Variants in AGBL4 observed in about 807,000 individuals in gnomAD.
AGBL4 encodes the protein cytosolic carboxypeptidase 6.
Under a neutral mutation model 66.4 loss-of-function variants are expected in AGBL4, and 58 were observed. The ratio of observed to expected loss-of-function variants is 0.87; its 90% CI spans 0.71 to 1.09. AGBL4 has a LOEUF of 1.09. Ranked by LOEUF, AGBL4 falls within the 50% of genes least tolerant of loss-of-function variation. The pLI is 0.00. For missense variants in AGBL4, 579 were observed against 631.0 expected (o/e 0.92, Z 0.88); for synonymous variants, 234 against 222.9 (o/e 1.05, Z -0.44).
At chr1:49,520,688 C>T (rs1650184581) in intron 3 of AGBL4, among the ~76,000 whole-genome samples, 1 of 151,998 alleles carries the variant, frequency 6.6e-6, no homozygotes, top group Non-Finnish European at 1.5e-5. Context: ...GATTCCTCCT[C>T]TAGACGCTGA....
At chr1:49,965,253 T>G (rs1402274016) in intron 1 of AGBL4, among the ~76,000 whole-genome samples, 2 of 152,194 alleles carry the variant, frequency 1.3e-5, no homozygotes, top group Non-Finnish European at 2.9e-5. Flanking sequence ...CCCATGTACT[T>G]ATGTAATTAC....
chr1:49,769,216 C>CCACA (rs111502919), intron 2 of AGBL4, among the ~76,000 whole-genome samples: 39 of 147,848 alleles, frequency 2.6e-4, no homozygotes, highest in Middle Eastern at 3.4e-3. Context: ...TTTGTAATAG[C>CCACA]CACACACACA....
intron 4 of AGBL4, among the ~76,000 whole-genome samples, chr1:49,131,311 G>C (rs1054391197): frequency 1.3e-5 from 2 of 152,042 alleles, no homozygotes; most frequent in Non-Finnish European, 2.9e-5. Context: ...CTTGATTGTG[G>C]TGGTGATTAC....
At chr1:48,776,568 G>A (rs1645098530) in intron 6 of AGBL4, 3 of 476,940 alleles carry the variant, frequency 6.3e-6, no homozygotes, top group Admixed American at 5.8e-5. Flanking sequence ...CCCAGCCCCC[G>A]CCCGGGTCCC....
intron 2 of AGBL4, among the ~76,000 whole-genome samples, chr1:49,704,355 G>T (rs1213453546): frequency 6.6e-6 from 1 of 151,978 alleles, no homozygotes. Flanking sequence ...CTTTAACAAA[G>T]ATGACAAGGA....
intron 3 of AGBL4, among the ~76,000 whole-genome samples, chr1:49,285,994 C>T (rs894002119): frequency 6.6e-6 from 1 of 152,128 alleles, no homozygotes; most frequent in Non-Finnish European, 1.5e-5. Flanking sequence ...TCCAGCAGCA[C>T]ATCAAAAAGC....
At chr1:49,820,270 C>T (rs1645335465) in intron 2 of AGBL4, among the ~76,000 whole-genome samples, 1 of 152,116 alleles carries the variant, frequency 6.6e-6, no homozygotes, top group African/African-American at 2.4e-5. Context: ...GTCAGATTAA[C>T]TTGATATAAA....
intron 6 of AGBL4, among the ~76,000 whole-genome samples, chr1:48,789,867 A>G (rs1353444046): frequency 3.9e-5 from 6 of 152,184 alleles, no homozygotes; most frequent in Non-Finnish European, 7.3e-5. Context: ...CAGTGACATT[A>G]AAAGATAAAA....
chr1:48,840,436 G>A (rs1446460276), intron 6 of AGBL4, among the ~76,000 whole-genome samples: 1 of 152,154 alleles, frequency 6.6e-6, no homozygotes, highest in Non-Finnish European at 1.5e-5. Context: ...AGGTTGTAAA[G>A]TTTAAATGAC....
chr1:49,022,696 T>C (rs1445109282), intron 5 of AGBL4, among the ~76,000 whole-genome samples: 1 of 152,134 alleles, frequency 6.6e-6, no homozygotes, highest in Non-Finnish European at 1.5e-5. Context: ...CTTACTCTTC[T>C]TGGCAAAATA....
At chr1:49,448,335 G>T (rs1646204219) in intron 3 of AGBL4, among the ~76,000 whole-genome samples, 1 of 151,970 alleles carries the variant, frequency 6.6e-6, no homozygotes, top group African/African-American at 2.4e-5. Flanking sequence ...TGTTTATGTT[G>T]GCTTCCTTCT....
chr1:48,875,215 G>T (rs1014072182), intron 5 of AGBL4, among the ~76,000 whole-genome samples: 16 of 152,090 alleles, frequency 1.1e-4, no homozygotes, highest in Non-Finnish European at 4.4e-5. Flanking sequence ...TATGGGAAAA[G>T]GTATTCTGAT....
rs1384707609 is a variant in AGBL4, at chr1:49,785,885, A to G, written c.157+65511T>C. Among the ~76,000 whole-genome samples, 5 of 60,450 alleles carry G rather than the reference A, an allele frequency of 8.3e-5. No homozygotes were observed. In the South Asian group the frequency reaches 2.0e-3, roughly 24 times the overall value. 39.7% of individuals were successfully genotyped at this position (60,450 alleles called of 152,430 possible). On this transcript the variant is annotated intron_variant, in intron 2 of 13. Transcript: ENST00000371839. ...TTCAGAGTACATGAGAAATCCCAGG[A>G]AAAAAAAAATATATATATATATATA... is the stretch of plus-strand genomic sequence containing the variant.
At chr1:49,082,903 A>G (rs1644833336) in intron 4 of AGBL4, among the ~76,000 whole-genome samples, 1 of 152,212 alleles carries the variant, frequency 6.6e-6, no homozygotes, top group Non-Finnish European at 1.5e-5. Context: ...GGGTAAATAT[A>G]TCCATTTTAA....
intron 3 of AGBL4, among the ~76,000 whole-genome samples, chr1:49,589,882 GTGACAAGT>G (rs1644720737): frequency 6.6e-6 from 1 of 151,872 alleles, no homozygotes; most frequent in Admixed American, 6.6e-5. Context: ...TCTTTATCTT[GTGACAAGT>G]TACTCTTATG....
At chr1:49,594,731 G>A (rs775471340) in intron 3 of AGBL4, among the ~76,000 whole-genome samples, 2 of 152,192 alleles carry the variant, frequency 1.3e-5, no homozygotes, top group Non-Finnish European at 2.9e-5. Flanking sequence ...TATCCATGGT[G>A]TATATGTGCC....
intron 3 of AGBL4, among the ~76,000 whole-genome samples, chr1:49,292,808 T>C (rs1246027543): frequency 6.6e-6 from 1 of 152,196 alleles, no homozygotes. Context: ...AGGTCCCCTC[T>C]GAGCTATTCT....
intron 8 of AGBL4, among the ~76,000 whole-genome samples, chr1:48,646,522 T>TGTGTGC (rs1393741862): frequency 6.9e-6 from 1 of 145,752 alleles, no homozygotes; most frequent in Non-Finnish European, 1.5e-5. Context: ...AATGTGTGTG[T>TGTGTGC]GTGTGTGTGT....
chr1:49,192,830 G>A (rs186260210), intron 4 of AGBL4, among the ~76,000 whole-genome samples: 34 of 152,284 alleles, frequency 2.2e-4, no homozygotes, highest in Admixed American at 2.2e-3. Flanking sequence ...ATAAGTTGGT[G>A]AGGTAACACC....
Sources: allele counts gnomAD v4.1 joint callset (sites outside exome capture counted in the v4.1 genomes callset), GRCh38; gene constraint gnomAD v4.1.1; transcripts MANE v1.5; gene names NCBI Gene and HGNC (gene_info 2026-07-23, HGNC 2026-07-21).